RXYLT1: variants seen among roughly 807,000 people sequenced by gnomAD.
RXYLT1 encodes ribitol xylosyltransferase 1, also known as ribitol-5-phosphate xylosyltransferase 1.
Under a neutral mutation model 43.5 loss-of-function variants are expected in RXYLT1, and 41 were observed. The ratio of observed to expected loss-of-function variants is 0.94; its 90% CI spans 0.73 to 1.22. The LOEUF (loss-of-function observed/expected upper bound fraction) is 1.22. Ranked by LOEUF, RXYLT1 falls within the 50% of genes most tolerant of loss-of-function variation. The pLI, the probability that RXYLT1 is intolerant of heterozygous loss-of-function variation, is 0.00. For synonymous variants in RXYLT1, 166 were observed against 194.4 expected, an observed-to-expected ratio of 0.85 and a Z score of 1.21; for missense variants, 514 against 532.0, an observed-to-expected ratio of 0.97 and a Z score of 0.33.
intron 2 of RXYLT1, among the ~76,000 whole-genome samples, chr12:63,781,388 G>A (rs1897681037): frequency 6.6e-6 from 1 of 152,122 alleles, no homozygotes; most frequent in Non-Finnish European, 1.5e-5. Flanking sequence ...TTGGTCTTTA[G>A]CAGAGCACAG....
chr12:63,786,529 A>G (rs1319880290), intron 3 of RXYLT1, among the ~76,000 whole-genome samples: 1 of 151,890 alleles, frequency 6.6e-6, no homozygotes, highest in Non-Finnish European at 1.5e-5. Context: ...AAAAATACGT[A>G]CCTTAAGTGA....
intron 2 of RXYLT1, among the ~76,000 whole-genome samples, chr12:63,784,063 C>T (rs1274667945): frequency 6.6e-6 from 1 of 152,162 alleles, no homozygotes; most frequent in Non-Finnish European, 1.5e-5. Flanking sequence ...ATAATAATCT[C>T]TTCACCTCAG....
At chr12:63,793,061 T>G (rs942356786) in intron 3 of RXYLT1, among the ~76,000 whole-genome samples, 7 of 152,208 alleles carry the variant, frequency 4.6e-5, no homozygotes, top group African/African-American at 1.7e-4. Flanking sequence ...TATGCAACAC[T>G]GGCCCAGCAT....
At position 63,780,056 on chromosome 12, in the gene RXYLT1, C is replaced by T. The variant is rs1423255214; in HGVS notation, c.96C>T (p.Arg32=). 6 of 1,604,944 alleles carry T rather than the reference C, an allele frequency of 3.7e-6. No individual in the cohort carries two copies. Among genetic ancestry groups the T allele is most frequent in the Non-Finnish European group, 5.1e-6 (6 of 1,177,498 alleles). Reference sequence around the variant, plus strand: ...CCTACCACGTCTTCTTCGGGCGCCGCCGCCAGGCGCCGGCCGGGTCCCCGC... The same window carrying T: ...CCTACCACGTCTTCTTCGGGCGCCGTCGCCAGGCGCCGGCCGGGTCCCCGC... The part of the protein sequence containing the change: ...YAAYHVFFGR[R]RQAPAGSPRG... Residue 32 remains arginine, a synonymous_variant, in exon 1 of 6, where the codon CGC becomes CGT. Transcript: ENST00000261234.
chr12:63,794,378 C>T (rs1897982929), intron 3 of RXYLT1, among the ~76,000 whole-genome samples: 2 of 152,116 alleles, frequency 1.3e-5, no homozygotes, highest in South Asian at 4.2e-4. Context: ...CTTTGACCAC[C>T]AAAATATCAT....
At chr12:63,800,267 T>G (rs1219589980) in intron 3 of RXYLT1, among the ~76,000 whole-genome samples, 10 of 152,196 alleles carry the variant, frequency 6.6e-5, no homozygotes, top group Admixed American at 6.5e-4. Context: ...AATGAACTCC[T>G]CAGAGTTGTT....
Position 63,808,753 on chromosome 12 carries a change from G to A in RXYLT1, c.993G>A (p.Pro331=), listed in dbSNP as rs377309677. 64 of 1,612,300 alleles carry A rather than the reference G, an allele frequency of 4.0e-5. No individual in the cohort carries two copies. The highest frequency in any genetic ancestry group is 1.3e-4 in the African/African-American group (10 of 74,794). ...ALLQSDLTLC[P]VGVNTECYRI... is the part of the protein sequence containing the mutation. ...TTCAGAGTGATCTCACATTGTGCCC[G>A]GTCGGAGTAAACACAGAATGCTATC... The change falls in exon 6 of 6, where the codon CCG becomes CCA. Residue 331 remains proline (P), a synonymous_variant. Coordinates refer to ENST00000261234, the MANE Select transcript of RXYLT1 (RefSeq NM_014254.3).
intron 2 of RXYLT1, among the ~76,000 whole-genome samples, chr12:63,783,897 T>G (rs1254398560): frequency 6.6e-6 from 1 of 152,124 alleles, no homozygotes; most frequent in Admixed American, 6.5e-5. Context: ...TCCTTACCGT[T>G]TAGAGTTTCT....
At position 63,808,902 on chromosome 12, in the gene RXYLT1, C is replaced by A; in HGVS notation, c.1142C>A (p.Ala381Asp). 6.2e-7 allele frequency: 1 copy of A among 1,614,062 alleles called. No individual in the cohort carries two copies. Among genetic ancestry groups the A allele is most frequent in the East Asian group, 2.2e-5 (1 of 44,878 alleles). The change falls in exon 6 of 6, where the codon GCT becomes GAT. Residue 381 changes from alanine to aspartate, a missense_variant. By Grantham distance (126) the Ala-to-Asp change is moderately radical. Transcript: ENST00000261234. ...CTGCAGTTACTCAAGTCCATGGGTGCTCCCTTTATCTTTATCAAGAACTGG... is the reference window on the plus strand; with the variant it reads ...CTGCAGTTACTCAAGTCCATGGGTGATCCCTTTATCTTTATCAAGAACTGG... ...APLQLLKSMG[A>D]PFIFIKNWKE... is the part of the protein sequence containing the mutation.
At chr12:63,782,419 C>T (rs980274320) in intron 2 of RXYLT1, 14 of 444,196 alleles carry the variant, frequency 3.2e-5, no homozygotes, top group African/African-American at 2.8e-4. Context: ...GTCATCTTTT[C>T]CTTTTTCATA....
chr12:63,782,448 C>T (rs577746760), intron 2 of RXYLT1: 140 of 452,492 alleles, frequency 3.1e-4, no homozygotes, highest in African/African-American at 2.7e-3. Context: ...CACAAGTTTG[C>T]AGCTTCGTAA....
chr12:63,783,968 TTA>T (rs1897745020), intron 2 of RXYLT1, among the ~76,000 whole-genome samples: 1 of 152,136 alleles, frequency 6.6e-6, no homozygotes, highest in African/African-American at 2.4e-5. Context: ...GCTTCTATCT[TTA>T]TATATCCCTT....
chr12:63,804,137 G>A (rs747320843), intron 4 of RXYLT1: 1 of 152,210 alleles, frequency 6.6e-6, no homozygotes, highest in Non-Finnish European at 1.5e-5. Flanking sequence ...ATAGGCATGA[G>A]CCACTGTGCC....
intron 3 of RXYLT1, among the ~76,000 whole-genome samples, chr12:63,794,930 T>C (rs1423519068): frequency 6.6e-6 from 1 of 152,120 alleles, no homozygotes; most frequent in Non-Finnish European, 1.5e-5. Flanking sequence ...GTAAGAAATA[T>C]ATGTATTTTG....
At chr12:63,801,567 C>A (rs1197544956) in intron 3 of RXYLT1, among the ~76,000 whole-genome samples, 1 of 152,122 alleles carries the variant, frequency 6.6e-6, no homozygotes, top group Non-Finnish European at 1.5e-5. Flanking sequence ...TGCCTGTAAT[C>A]CCAGTACTTT....
intron 5 of RXYLT1, chr12:63,806,622 T>C (rs1898298424): frequency 6.6e-6 from 1 of 152,234 alleles, no homozygotes; most frequent in Non-Finnish European, 1.5e-5. Flanking sequence ...CAAAGGTTAT[T>C]ATGGGAATAA....
intron 4 of RXYLT1, chr12:63,804,770 CT>C (rs1898247659): frequency 6.5e-6 from 1 of 153,096 alleles, no homozygotes; most frequent in Non-Finnish European, 1.5e-5. Context: ...AAGCTTATTC[CT>C]CCTGTCCAAC....
Position 63,809,272 on chromosome 12 carries a change from T to G in RXYLT1, c.*180T>G, listed in dbSNP as rs1898396027. 1 of 502,870 alleles carries G rather than the reference T, an allele frequency of 2.0e-6. No homozygotes were observed. The highest frequency in any genetic ancestry group is 2.0e-5 in the African/African-American group (1 of 51,180). 31.2% of individuals were successfully genotyped at this position (502,870 alleles called of 1,614,324 possible). ...GACTACATATATGATAGTGGTCCCA[T>G]AAGATTATAATGGAGCTGAAAAATT... On this transcript the variant is annotated 3_prime_UTR_variant, in exon 6 of 6. Transcript: ENST00000261234.
intron 3 of RXYLT1, among the ~76,000 whole-genome samples, chr12:63,795,278 C>CA (rs1026424406): frequency 5.2e-4 from 76 of 145,634 alleles, no homozygotes; most frequent in Non-Finnish European, 8.3e-4. Context: ...GACCCTGTGT[C>CA]AAAAAAAAAG....
Sources: allele counts gnomAD v4.1 joint callset (sites outside exome capture counted in the v4.1 genomes callset), GRCh38; gene constraint gnomAD v4.1.1; transcripts MANE v1.5; gene names NCBI Gene and HGNC (gene_info 2026-07-23, HGNC 2026-07-21).